Variants in FAR2 observed in about 807,000 individuals in gnomAD.
FAR2 encodes the protein fatty acyl-CoA reductase 2.
A neutral mutation model predicts 56.0 loss-of-function variants in FAR2; 19 were observed. The ratio of observed to expected loss-of-function variants is 0.34; its 90% CI spans 0.24 to 0.50. The LOEUF (loss-of-function observed/expected upper bound fraction) is 0.50, where lower values mean the gene tolerates loss of function less well. FAR2 is among the 20% of genes least tolerant of loss of function. The probability of loss-of-function intolerance (pLI) is 0.98; values close to 1 mark genes in which losing one functional copy is unlikely to be tolerated. For missense variants in FAR2, 508 were observed against 642.2 expected, an observed-to-expected ratio of 0.79 and a Z score of 2.26; for synonymous variants, 219 against 218.8, an observed-to-expected ratio of 1.00 and a Z score of -0.01.
Position 29,333,685 on chromosome 12 carries a change from G to T in FAR2, c.1439G>T (p.Arg480Leu), listed in dbSNP as rs184570957. ...ACTGCCCTCTTCCTTATCGCCTGGC[G>T]CCTTCTCATTGCAAGATCTCAGATG... is the stretch of plus-strand genomic sequence containing the variant. The part of the protein sequence containing the change: ...FNTALFLIAW[R>L]LLIARSQMAR... Residue 480 changes from arginine to leucine, a missense_variant, in exon 12 of 12, where the codon CGC (arginine) becomes CTC (leucine). Coordinates refer to ENST00000536681, the MANE Select transcript of FAR2 (RefSeq NM_001271783.2). The T allele has an allele frequency of 6.2e-7, 1 of 1,613,694 alleles. No individual in the cohort carries two copies. Among genetic ancestry groups the T allele is most frequent in the Non-Finnish European group, 8.5e-7 (1 of 1,179,728 alleles).
intron 2 of FAR2, chr12:29,277,901 T>C (rs1305136203): frequency 1.6e-4 from 24 of 151,888 alleles, no homozygotes; most frequent in Admixed American, 1.6e-3. Flanking sequence ...ATTGTTTCAA[T>C]TTAAAACATT....
Position 29,169,753 on chromosome 12 carries a change from T to C in FAR2, c.-39+20346T>C, listed in dbSNP as rs150039510. On this transcript the variant is annotated intron_variant, in intron 1 of 11. Transcript: ENST00000536681. ...ATTGTAGAGTAAGGATAGATTTTGT[T>C]ATTTCTTGCAAACTGTCTGAGAAAT... 1.9e-3 allele frequency among the ~76,000 whole-genome samples: 296 copies of C among 152,310 alleles called. 1 individual carries two copies. The highest frequency in any genetic ancestry group is 6.6e-3 in the African/African-American group (275 of 41,570).
intron 1 of FAR2, among the ~76,000 whole-genome samples, chr12:29,155,672 G>A (rs756639033): frequency 6.6e-5 from 10 of 152,202 alleles, no homozygotes; most frequent in Non-Finnish European, 1.5e-4. Flanking sequence ...TTAACCTTCA[G>A]TGTCTATAAA....
intron 1 of FAR2, among the ~76,000 whole-genome samples, chr12:29,160,200 A>G (rs1403524620): frequency 6.6e-6 from 1 of 152,230 alleles, no homozygotes; most frequent in Non-Finnish European, 1.5e-5. Context: ...CTGTCAGTTC[A>G]GGAAAGATGC....
chr12:29,217,029 T>C lies in FAR2; in HGVS notation c.-38-53383T>C, dbSNP rs34400393. ...AAAGACTAAAAGAAAATGACACATT[T>C]AAAAAATATTTTGGCTCTTTAGTAT... On this transcript the variant is annotated intron_variant, in intron 1 of 11. Transcript: ENST00000536681. 6.2e-3 allele frequency among the ~76,000 whole-genome samples: 943 copies of C among 152,312 alleles called. 4 individuals carry two copies. Among genetic ancestry groups the C allele is most frequent in the Non-Finnish European group, 9.4e-3 (640 of 68,014 alleles).
chr12:29,230,678 T>C (rs1947844692), intron 1 of FAR2, among the ~76,000 whole-genome samples: 1 of 151,952 alleles, frequency 6.6e-6, no homozygotes. Flanking sequence ...AGAGATGTGG[T>C]TGGATATACT....
intron 1 of FAR2, among the ~76,000 whole-genome samples, chr12:29,165,200 TTTCAAGTTTGCAACCA>T (rs760120741): frequency 3.4e-4 from 52 of 152,290 alleles, no homozygotes; most frequent in Non-Finnish European, 6.0e-4. Flanking sequence ...TAGGCTGTGG[TTTCAAGTTTGCAACCA>T]TTCAAGTTTG....
At chr12:29,263,861 C>A (rs1371446665) in intron 1 of FAR2, among the ~76,000 whole-genome samples, 1 of 151,886 alleles carries the variant, frequency 6.6e-6, no homozygotes, top group Non-Finnish European at 1.5e-5. Context: ...GGCTTCACTG[C>A]TGAATTTTAC....
rs150366457 is a variant in FAR2 at position 29,273,834 on chromosome 12, A to T, written c.189+3196A>T. On this transcript the variant is annotated intron_variant, in intron 2 of 11. Transcript: ENST00000536681. ...GGTTGCACTGTTCCATGGAAAAAGC[A>T]GTTCCCCGGGCCGGGTAGCATGCTC... Among the ~76,000 whole-genome samples the T allele has an allele frequency of 7.2e-5, 11 of 152,276 alleles. No homozygotes were observed. In the East Asian group the frequency reaches 1.9e-3, roughly 27 times the overall value.
At position 29,334,742 on chromosome 12, in the gene FAR2, A is replaced by G. The variant is rs575334083; in HGVS notation, c.*948A>G. The G allele has an allele frequency of 2.0e-5, 3 of 152,320 alleles. No individual in the cohort carries two copies. Among genetic ancestry groups the G allele is most frequent in the African/African-American group, 7.2e-5 (3 of 41,576 alleles). The allele number at this position is 152,320 out of a possible 1,614,324, so 9.4% of individuals were successfully genotyped here. A position where few individuals can be genotyped will look rare whatever the true frequency, so the allele number is the denominator to read the frequency against. ...CTGTAGCTTTAGTCTTCTGGTATAAAGTGGGGAAGATTACACTTATGTGAT... is the reference window on the plus strand; with the variant it reads ...CTGTAGCTTTAGTCTTCTGGTATAAGGTGGGGAAGATTACACTTATGTGAT... On this transcript the variant is annotated 3_prime_UTR_variant, in exon 12 of 12. Transcript: ENST00000536681.
intron 1 of FAR2, among the ~76,000 whole-genome samples, chr12:29,179,212 T>C (rs1276138974): frequency 6.6e-6 from 1 of 152,176 alleles, no homozygotes; most frequent in Non-Finnish European, 1.5e-5. Flanking sequence ...ACATATTAAT[T>C]TGAGGGGGAC....
intron 1 of FAR2, among the ~76,000 whole-genome samples, chr12:29,208,010 T>A (rs1947496435): frequency 6.6e-6 from 1 of 152,212 alleles, no homozygotes. Flanking sequence ...AAGCCCAGCC[T>A]AGTCAACAGA....
intron 4 of FAR2, among the ~76,000 whole-genome samples, chr12:29,304,691 GATA>G (rs1009693223): frequency 1.3e-5 from 2 of 152,108 alleles, no homozygotes; most frequent in African/African-American, 4.8e-5. Context: ...AACCAAAATT[GATA>G]ATATTTAGAA....
chr12:29,199,269 C>T (rs1947373409), intron 1 of FAR2, among the ~76,000 whole-genome samples: 2 of 152,146 alleles, frequency 1.3e-5, no homozygotes, highest in Non-Finnish European at 2.9e-5. Context: ...AATTAAAGAA[C>T]TGTCAGCAAG....
intron 1 of FAR2, among the ~76,000 whole-genome samples, chr12:29,245,529 T>A (rs1462218313): frequency 6.6e-6 from 1 of 152,128 alleles, no homozygotes; most frequent in African/African-American, 2.4e-5. Flanking sequence ...TCCCAGATGG[T>A]TCTTTCTGAT....
intron 2 of FAR2, among the ~76,000 whole-genome samples, chr12:29,285,395 C>T (rs1395599180): frequency 6.6e-6 from 1 of 152,160 alleles, no homozygotes; most frequent in African/African-American, 2.4e-5. Flanking sequence ...TACGCCCCGC[C>T]CCTCCAAAGG....
chr12:29,328,445 C>G (rs1333995120), intron 10 of FAR2, among the ~76,000 whole-genome samples: 1 of 152,028 alleles, frequency 6.6e-6, no homozygotes, highest in Non-Finnish European at 1.5e-5. Context: ...GCTATAAAGA[C>G]ATATGTTTAT....
intron 1 of FAR2, among the ~76,000 whole-genome samples, chr12:29,182,391 A>G (rs1225221395): frequency 6.6e-6 from 1 of 152,204 alleles, no homozygotes; most frequent in African/African-American, 2.4e-5. Context: ...TCCTTTAGCT[A>G]GACACAGAGT....
chr12:29,188,465 G>A (rs1950066250), intron 1 of FAR2, among the ~76,000 whole-genome samples: 1 of 140,942 alleles, frequency 7.1e-6, no homozygotes, highest in African/African-American at 3.2e-5. Context: ...TGATAATTTG[G>A]GGATAATTTG....
Sources: allele counts gnomAD v4.1 joint callset (sites outside exome capture counted in the v4.1 genomes callset), GRCh38; gene constraint gnomAD v4.1.1; transcripts MANE v1.5; gene names NCBI Gene and HGNC (gene_info 2026-07-23, HGNC 2026-07-21).